ZNF600: variants seen among roughly 807,000 people sequenced by gnomAD.
ZNF600 encodes the protein zinc finger protein KR-ZNF1.
Under a neutral mutation model 7.3 loss-of-function variants are expected in ZNF600, and 4 were observed. The observed-to-expected ratio is 0.55, with a 90% CI of 0.27 to 1.25. ZNF600 has a LOEUF of 1.25. Ranked by LOEUF, ZNF600 falls within the 50% of genes most tolerant of loss-of-function variation. The pLI is 0.12. For synonymous variants in ZNF600, 290 were observed against 308.9 expected (o/e 0.94, Z 0.64); for missense variants, 911 against 922.1 (o/e 0.99, Z 0.16).
At chr19:52,797,984 T>C in the ZNF600 span, 2 of 152,156 alleles carry the variant, frequency 1.3e-5, no homozygotes, top group Admixed American at 1.3e-4. Context: ...TATCCAGGTG[T>C]GGTGGCATGC....
intron 3 of ZNF600, among the ~76,000 whole-genome samples, chr19:52,773,152 G>A (rs57485342): frequency 0.032 from 4,809 of 152,064 alleles, 75 homozygotes; most frequent in African/African-American, 0.11. Flanking sequence ...AAGGGCAAGG[G>A]TGGAGAGCAG....
At chr19:52,765,990 T>C (rs758334560) in exon 4 of ZNF600, 3 of 1,614,126 alleles carry the variant, frequency 1.9e-6, no homozygotes, top group African/African-American at 2.7e-5. Flanking sequence ...CACGAAAGCC[T>C]TGTCACAAAC....
chr19:52,781,951 T>C (rs2904230), intron 1 of ZNF600, among the ~76,000 whole-genome samples: 41,127 of 151,778 alleles, frequency 0.27, 7,671 homozygotes, highest in African/African-American at 0.53. Context: ...ATCCCAGCTA[T>C]TCAGGATGCT....
At chr19:52,810,373 G>A in the ZNF600 span, 1 of 1,604,980 alleles carries the variant, frequency 6.2e-7, no homozygotes, top group Non-Finnish European at 8.5e-7. Flanking sequence ...CACTTTCATG[G>A]CTGTGGTTCA....
At chr19:52,772,372 G>A (rs938127840) in intron 3 of ZNF600, among the ~76,000 whole-genome samples, 1 of 152,106 alleles carries the variant, frequency 6.6e-6, no homozygotes, top group Non-Finnish European at 1.5e-5. Context: ...GGAGGCTCAG[G>A]CAGGTACATC....
the ZNF600 span, among the ~76,000 whole-genome samples, chr19:52,807,408 C>T: frequency 2.0e-5 from 3 of 152,316 alleles, no homozygotes; most frequent in East Asian, 5.8e-4. Flanking sequence ...CCAAGAACTA[C>T]AGAATCGAAA....
At chr19:52,809,837 C>CGGCGGT in the ZNF600 span, 21 of 553,920 alleles carry the variant, frequency 3.8e-5, no homozygotes, top group South Asian at 6.8e-5. Context: ...GCGGCGGCGG[C>CGGCGGT]GGTGGCGGTG....
the ZNF600 span, chr19:52,797,714 TAC>T: frequency 6.5e-6 from 1 of 153,156 alleles, no homozygotes; most frequent in Non-Finnish European, 1.5e-5. Flanking sequence ...AACATATAAA[TAC>T]ACATACAATC....
intron 1 of ZNF600, among the ~76,000 whole-genome samples, chr19:52,782,699 C>T (rs979872847): frequency 4.6e-5 from 7 of 152,138 alleles, no homozygotes; most frequent in Non-Finnish European, 8.8e-5. Context: ...TGGTGAAACC[C>T]TGTCTCTACT....
intron 1 of ZNF600, among the ~76,000 whole-genome samples, chr19:52,779,734 G>T (rs780109776): frequency 6.6e-6 from 1 of 152,154 alleles, no homozygotes; most frequent in South Asian, 2.1e-4. Flanking sequence ...TGCCTCCTTC[G>T]AAAGACTAAT....
At chr19:52,780,554 T>TG (rs61460909) in intron 1 of ZNF600, 27 bp downstream of exon 3, 29,382 of 152,002 alleles carry the variant, frequency 0.19, 3,237 homozygotes, top group African/African-American at 0.31. Context: ...CATAGGAACA[T>TG]GTCTTCAAAC....
chr19:52,769,466 G>A (rs940017785), intron 3 of ZNF600, among the ~76,000 whole-genome samples: 1 of 152,084 alleles, frequency 6.6e-6, no homozygotes, highest in African/African-American at 2.4e-5. Context: ...GAAGGGAAGG[G>A]CCCCCTGTCT....
chr19:52,783,027 C>G lies in ZNF600; in HGVS notation c.-20+3568G>C, dbSNP rs905526075. On this transcript the variant is annotated intron_variant, in intron 1 of 3. Transcript: ENST00000648973. ...TATAGTAACAGAGACTCAGTCACTTCTTACTCTACTTCTCTCCCTCACTCC... is the reference window on the plus strand; with the variant it reads ...TATAGTAACAGAGACTCAGTCACTTGTTACTCTACTTCTCTCCCTCACTCC... Among the ~76,000 whole-genome samples the G allele has an allele frequency of 7.1e-5, 10 of 141,492 alleles. 1 individual carries two copies. Among genetic ancestry groups the G allele is most frequent in the Non-Finnish European group, 1.1e-4 (7 of 62,202 alleles). 92.8% of individuals were successfully genotyped at this position (141,492 alleles called of 152,430 possible). A position where few individuals can be genotyped will look rare whatever the true frequency, so the allele number is the denominator to read the frequency against.
chr19:52,765,960 C>G (rs2062569073), exon 4 of ZNF600: 1 of 1,614,118 alleles, frequency 6.2e-7, no homozygotes, highest in Non-Finnish European at 8.5e-7. Flanking sequence ...TCTGGTATGT[C>G]TTGCCAGGTA....
chr19:52,778,115 G>A (rs1470789723), intron 2 of ZNF600, among the ~76,000 whole-genome samples: 1 of 149,096 alleles, frequency 6.7e-6, no homozygotes, highest in Non-Finnish European at 1.5e-5. Flanking sequence ...CTGGGTTTAA[G>A]TGATTATCCT....
chr19:52,802,701 T>C, the ZNF600 span, among the ~76,000 whole-genome samples: 1 of 151,682 alleles, frequency 6.6e-6, no homozygotes, highest in African/African-American at 2.4e-5. Context: ...GTTAATACCA[T>C]ATTTTTCCAA....
the ZNF600 span, among the ~76,000 whole-genome samples, chr19:52,806,418 T>C: frequency 3.3e-5 from 5 of 152,192 alleles, 1 homozygote; most frequent in Admixed American, 3.3e-4. Flanking sequence ...AGTTTTGAAC[T>C]CCTGACTTCA....
At chr19:52,801,355 C>A in the ZNF600 span, 69 of 1,614,036 alleles carry the variant, frequency 4.3e-5, no homozygotes, top group Non-Finnish European at 5.5e-5. Flanking sequence ...GACTTCTCAA[C>A]TTGATTACCA....
At chr19:52,810,894 TCCCCCTCCCTCTCCC>T in the ZNF600 span, among the ~76,000 whole-genome samples, 1 of 3,888 alleles carries the variant, frequency 2.6e-4, no homozygotes, top group Non-Finnish European at 5.1e-4. Context: ...CCCCTCCCCC[TCCCCCTCCCTCTCCC>T]TCTCCCTCCA....
Sources: gnomAD v4.1 joint callset for allele counts (sites outside exome capture counted in the v4.1 genomes callset) on GRCh38, gnomAD v4.1.1 for gene constraint, MANE v1.5 for transcripts, NCBI Gene and HGNC (gene_info 2026-07-23, HGNC 2026-07-21) for gene names.